The following PBX3 variants were observed in gnomAD, a reference collection of about 807,000 sequenced individuals.
The protein encoded by PBX3 is pre-B-cell leukemia transcription factor 3.
PBX3 carries 14 observed loss-of-function variants against 48.5 expected under a neutral mutation model. That is an observed-to-expected ratio of 0.29 (90% CI 0.19 to 0.45). PBX3 has a LOEUF of 0.45. PBX3 is among the 20% of genes least tolerant of loss of function. The pLI, the probability that PBX3 is intolerant of heterozygous loss-of-function variation, is 1.00. For synonymous variants in PBX3, 210 were observed against 200.3 expected (o/e 1.05, Z -0.41); for missense variants, 386 against 546.7 (o/e 0.71, Z 2.93).
intron 2 of PBX3, among the ~76,000 whole-genome samples, chr9:125,827,261 T>G (rs569333831): frequency 1.3e-5 from 2 of 152,328 alleles, no homozygotes; most frequent in African/African-American, 4.8e-5. Context: ...GATTTTTGCT[T>G]ATGAAATATT....
chr9:125,829,303 C>G (rs1044525608), intron 2 of PBX3, among the ~76,000 whole-genome samples: 3 of 152,152 alleles, frequency 2.0e-5, no homozygotes, highest in African/African-American at 7.2e-5. Context: ...CAAACTACAT[C>G]ATTACAAGAT....
rs868526451 is a variant in PBX3 at position 125,955,805 on chromosome 9, T to C, written c.844-4879T>C. Among the ~76,000 whole-genome samples the C allele has an allele frequency of 1.6e-4, 25 of 152,324 alleles. 1 individual carries two copies. In the Middle Eastern group the frequency reaches 0.021, roughly 125 times the overall value. On this transcript the variant is annotated intron_variant, in intron 5 of 8. Transcript: ENST00000373489. The stretch of plus-strand genomic sequence containing the variant: ...TGAGATCATCACCATCTTGCAAGTT[T>C]TGCTAATTATTTTGAGTGGATAGCA...
At chr9:125,951,517 G>A (rs1842195958) in intron 5 of PBX3, among the ~76,000 whole-genome samples, 1 of 152,174 alleles carries the variant, frequency 6.6e-6, no homozygotes. Flanking sequence ...TAGGAAGCAA[G>A]CATGGTGTGT....
chr9:125,928,675 C>T (rs1211818658), intron 3 of PBX3, among the ~76,000 whole-genome samples: 1 of 152,016 alleles, frequency 6.6e-6, no homozygotes, highest in African/African-American at 2.4e-5. Context: ...CTGTGTTAGC[C>T]AGGATGGTCT....
intron 3 of PBX3, among the ~76,000 whole-genome samples, chr9:125,917,068 G>T (rs968210230): frequency 2.6e-5 from 4 of 152,216 alleles, no homozygotes; most frequent in Non-Finnish European, 5.9e-5. Context: ...CCCCAATTTG[G>T]TAAGAGTATT....
In PBX3 at chr9:125,919,359, ATTTTT is replaced by A. The variant is rs34891465; in HGVS notation, c.516+3451_516+3455del. The stretch of plus-strand genomic sequence containing the variant: ...AGGCGTCTGCCATCATGCCCGTCTA[ATTTTT>A]TTTTTTTTTTTTTTTTTTGTATTTT... On this transcript the variant is annotated intron_variant, in intron 3 of 8. Coordinates refer to ENST00000373489, the MANE Select transcript of PBX3 (RefSeq NM_006195.6). Among the ~76,000 whole-genome samples the A allele has an allele frequency of 1.0e-3, 106 of 102,756 alleles. 1 individual carries two copies. Among genetic ancestry groups the A allele is most frequent in the African/African-American group, 4.0e-3 (104 of 26,298 alleles). 67.4% of individuals were successfully genotyped at this position (102,756 alleles called of 152,430 possible). A position where few individuals can be genotyped will look rare whatever the true frequency, so the allele number is the denominator to read the frequency against.
chr9:125,846,764 T>A (rs1406741671), intron 2 of PBX3, among the ~76,000 whole-genome samples: 1 of 152,082 alleles, frequency 6.6e-6, no homozygotes, highest in African/African-American at 2.4e-5. Flanking sequence ...TGTATCATTA[T>A]TACACCAAAA....
intron 2 of PBX3, among the ~76,000 whole-genome samples, chr9:125,862,936 C>T (rs1839896583): frequency 6.6e-6 from 1 of 152,144 alleles, no homozygotes; most frequent in Non-Finnish European, 1.5e-5. Flanking sequence ...ACTCTGTCGC[C>T]CAGGCTGGAG....
At chr9:125,869,046 T>C (rs907932033) in intron 2 of PBX3, among the ~76,000 whole-genome samples, 8 of 152,192 alleles carry the variant, frequency 5.3e-5, no homozygotes, top group African/African-American at 1.4e-4. Flanking sequence ...TCTGAAGATA[T>C]TTGTATCATC....
chr9:125,803,687 A>G (rs928026375), intron 2 of PBX3, among the ~76,000 whole-genome samples: 1 of 152,234 alleles, frequency 6.6e-6, no homozygotes, highest in Non-Finnish European at 1.5e-5. Context: ...CAAGAGGCAT[A>G]TGATGTCACT....
intron 5 of PBX3, among the ~76,000 whole-genome samples, chr9:125,943,765 G>C (rs1377311805): frequency 6.6e-6 from 1 of 152,188 alleles, no homozygotes; most frequent in Non-Finnish European, 1.5e-5. Flanking sequence ...ACAATAGTGT[G>C]GGCAGAGTGT....
intron 2 of PBX3, among the ~76,000 whole-genome samples, chr9:125,826,367 G>A (rs1467604638): frequency 6.6e-6 from 1 of 152,060 alleles, no homozygotes; most frequent in African/African-American, 2.4e-5. Flanking sequence ...ATGTTTTTAT[G>A]TGAAGTTCAA....
intron 2 of PBX3, among the ~76,000 whole-genome samples, chr9:125,891,661 C>A (rs1448802237): frequency 6.6e-6 from 1 of 152,136 alleles, no homozygotes; most frequent in Non-Finnish European, 1.5e-5. Context: ...CATCTCTATT[C>A]TTTAAAAATG....
chr9:125,820,656 A>G (rs1838623440), intron 2 of PBX3, among the ~76,000 whole-genome samples: 1 of 152,250 alleles, frequency 6.6e-6, no homozygotes, highest in African/African-American at 2.4e-5. Flanking sequence ...TTGACAGAAG[A>G]CAGTGATATA....
chr9:125,925,459 C>T (rs751801609), intron 3 of PBX3, among the ~76,000 whole-genome samples: 3 of 151,888 alleles, frequency 2.0e-5, no homozygotes, highest in Non-Finnish European at 4.4e-5. Context: ...TTCTTTCTTT[C>T]TTAATTTTCT....
At chr9:125,856,296 C>G (rs542957076) in intron 2 of PBX3, among the ~76,000 whole-genome samples, 2 of 152,200 alleles carry the variant, frequency 1.3e-5, no homozygotes, top group African/African-American at 4.8e-5. Context: ...GTGTTCTGAA[C>G]TGGAAGAGTA....
chr9:125,747,380 C>G lies in PBX3; in HGVS notation c.-74C>G. The stretch of plus-strand genomic sequence containing the variant: ...CCCCTCCCCCTCTTTCTTCTCCTCC[C>G]TCGTCGCCGCCGCCGCCGCCGCCGC... On this transcript the variant is annotated 5_prime_UTR_variant, in exon 1 of 9. Transcript: ENST00000373489. 1 of 883,186 alleles carries G rather than the reference C, an allele frequency of 1.1e-6. No homozygotes were observed. The highest frequency in any genetic ancestry group is 1.5e-6 in the Non-Finnish European group (1 of 652,826). The allele number at this position is 883,186 out of a possible 1,614,324, so 54.7% of individuals were successfully genotyped here.
intron 2 of PBX3, among the ~76,000 whole-genome samples, chr9:125,803,432 T>A (rs1326563798): frequency 6.6e-6 from 1 of 152,036 alleles, no homozygotes; most frequent in Non-Finnish European, 1.5e-5. Flanking sequence ...AAAAAAAAAA[T>A]TATTTTCCAG....
intron 5 of PBX3, chr9:125,949,425 C>G: frequency 6.4e-7 from 1 of 1,550,740 alleles, no homozygotes; most frequent in Non-Finnish European, 8.7e-7. Context: ...GTTCTGACAT[C>G]CAGCCAACTA....
Sources: allele counts gnomAD v4.1 joint callset (sites outside exome capture counted in the v4.1 genomes callset), GRCh38; gene constraint gnomAD v4.1.1; transcripts MANE v1.5; gene names NCBI Gene and HGNC (gene_info 2026-07-23, HGNC 2026-07-21).